The following NMBR variants were observed in gnomAD, a reference collection of about 807,000 sequenced individuals.
The protein encoded by NMBR is neuromedin-B receptor.
In NMBR, 16 loss-of-function variants were observed where a neutral mutation model predicts 20.5. The observed-to-expected ratio is 0.78, with a 90% CI of 0.53 to 1.19. The LOEUF is 1.19. Ranked by LOEUF, NMBR falls within the 50% of genes most tolerant of loss-of-function variation. NMBR has a pLI of 0.00. For synonymous variants in NMBR, 212 were observed against 196.6 expected (o/e 1.08, Z -0.65); for missense variants, 582 against 499.1 (o/e 1.17, Z -1.58).
At chr6:142,076,201 G>T in intron 3 of NMBR, 152 bp from the exon 4 acceptor site, 1 of 595,040 alleles carries the variant, frequency 1.7e-6, no homozygotes, top group Non-Finnish European at 2.8e-6. Context: ...AGTGATGATG[G>T]ATTTTAACAG....
At chr6:142,091,733 C>G (rs200652570) in intron 1 of NMBR, among the ~76,000 whole-genome samples, 2 of 152,198 alleles carry the variant, frequency 1.3e-5, no homozygotes, top group East Asian at 3.9e-4. Context: ...TGTTATGTCT[C>G]TTTGTTTCTG....
At chr6:142,127,009 T>C (rs1778052913) in intron 1 of NMBR, among the ~76,000 whole-genome samples, 2 of 151,782 alleles carry the variant, frequency 1.3e-5, no homozygotes, top group South Asian at 4.1e-4. Context: ...AAATAACTTA[T>C]CTGTATTTTT....
intron 1 of NMBR, among the ~76,000 whole-genome samples, chr6:142,094,985 T>C (rs1475510119): frequency 6.6e-6 from 1 of 152,194 alleles, no homozygotes; most frequent in Non-Finnish European, 1.5e-5. Flanking sequence ...ATGCTTGTGA[T>C]TTTTGCACAT....
At chr6:142,105,652 A>G (rs1777649182) in intron 1 of NMBR, among the ~76,000 whole-genome samples, 2 of 152,186 alleles carry the variant, frequency 1.3e-5, no homozygotes, top group Admixed American at 1.3e-4. Context: ...ATTTTTGTTT[A>G]TACTTTTGTT....
At chr6:142,141,190 C>T (rs996461854) in intron 1 of NMBR, among the ~76,000 whole-genome samples, 8 of 152,068 alleles carry the variant, frequency 5.3e-5, no homozygotes, top group Non-Finnish European at 1.2e-4. Flanking sequence ...ATAAGAAAGT[C>T]TCAAGGATAG....
At chr6:142,135,036 T>C (rs891603379) in intron 1 of NMBR, 3 of 448,778 alleles carry the variant, frequency 6.7e-6, no homozygotes, top group African/African-American at 6.1e-5. Flanking sequence ...GAAATTTTTG[T>C]CTACTATAAA....
chr6:142,125,521 T>TACATGTACATGCATA (rs1554215499), intron 1 of NMBR, among the ~76,000 whole-genome samples: 1 of 70,506 alleles, frequency 1.4e-5, no homozygotes, highest in Admixed American at 1.2e-4. Flanking sequence ...ACATACACAA[T>TACATGTACATGCATA]TACTCATGCT....
At chr6:142,100,015 C>T (rs1777530842) in intron 1 of NMBR, among the ~76,000 whole-genome samples, 1 of 152,106 alleles carries the variant, frequency 6.6e-6, no homozygotes, top group East Asian at 1.9e-4. Flanking sequence ...CAAGATACCC[C>T]TATACATTTA....
chr6:142,124,027 G>A (rs1458181088), intron 1 of NMBR, among the ~76,000 whole-genome samples: 1 of 151,894 alleles, frequency 6.6e-6, no homozygotes, highest in Non-Finnish European at 1.5e-5. Context: ...GGAATATAGA[G>A]AGGATCAGTT....
intron 1 of NMBR, among the ~76,000 whole-genome samples, chr6:142,110,939 A>T (rs1451645061): frequency 6.6e-6 from 1 of 152,184 alleles, no homozygotes; most frequent in Admixed American, 6.5e-5. Flanking sequence ...AATTAGACAT[A>T]GATCAAATAA....
At chr6:142,097,994 A>G (rs1383520314) in intron 1 of NMBR, among the ~76,000 whole-genome samples, 1 of 152,138 alleles carries the variant, frequency 6.6e-6, no homozygotes, top group Non-Finnish European at 1.5e-5. Flanking sequence ...TATCCAAAAC[A>G]AAATATACAG....
At position 142,088,309 on chromosome 6, in the gene NMBR, T is replaced by C. The variant is rs371812387; in HGVS notation, c.350A>G (p.Lys117Arg). The stretch of plus-strand genomic sequence containing the variant: ...AGTGAGCTGGATGACAGGGATCAGT[T>C]TGCAGCCCACCTTGCCAAACATCCA... Reference protein sequence around the residue: ...DEWMFGKVGCKLIPVIQLTSV... With the variant: ...DEWMFGKVGCRLIPVIQLTSV... Residue 117 changes from lysine (K) to arginine (R), a missense_variant, in exon 2 of 4, where the codon AAA (lysine) becomes AGA (arginine). Transcript: ENST00000258042. 1.5e-4 allele frequency: 236 copies of C among 1,614,036 alleles called. 4 individuals carry two copies. In the South Asian group the frequency reaches 1.8e-3, roughly 12 times the overall value.
At chr6:142,077,169 T>A (rs1357057996) in intron 3 of NMBR, among the ~76,000 whole-genome samples, 1 of 152,176 alleles carries the variant, frequency 6.6e-6, no homozygotes, top group African/African-American at 2.4e-5. Context: ...CACAGCAGTC[T>A]ATACTTGGAG....
chr6:142,133,239 T>C (rs1235711279), intron 1 of NMBR: 1 of 622,884 alleles, frequency 1.6e-6, no homozygotes, highest in Non-Finnish European at 2.9e-6. Flanking sequence ...ATGAGTCTTT[T>C]CTGAGTATTT....
rs139635348 is a variant in NMBR at position 142,105,438 on chromosome 6, G to A, written c.-663-16117C>T. 2.2e-3 allele frequency among the ~76,000 whole-genome samples: 329 copies of A among 152,226 alleles called. 2 individuals are homozygous for A. Among genetic ancestry groups the A allele is most frequent in the African/African-American group, 6.7e-3 (280 of 41,542 alleles). On this transcript the variant is annotated intron_variant, in intron 1 of 3. Coordinates refer to ENST00000258042, the MANE Select transcript of NMBR (RefSeq NM_002511.4). ...GTTAAAGCTTATTTTAATAAAACCT[G>A]TAAATAAATTTATAAAATCTGTCAT...
At position 142,130,962 on chromosome 6, in the gene NMBR, T is replaced by C. The variant is rs569635676; in HGVS notation, c.-664+16082A>G. On this transcript the variant is annotated intron_variant, in intron 1 of 3. Transcript: ENST00000258042. Reference sequence around the variant, plus strand: ...AGAGTAGGGACAACAGGCAATATTTTTCCTAGCAAGATTTCAGAATTGTTA... The same window carrying C: ...AGAGTAGGGACAACAGGCAATATTTCTCCTAGCAAGATTTCAGAATTGTTA... Among the ~76,000 whole-genome samples the C allele has an allele frequency of 2.0e-5, 3 of 152,262 alleles. No homozygotes were observed. In the East Asian group the frequency reaches 5.8e-4, roughly 29 times the overall value.
In NMBR at chr6:142,076,004, C is replaced by T; in HGVS notation, c.817G>A (p.Gly273Ser). The T allele has an allele frequency of 5.6e-6, 9 of 1,606,130 alleles. No individual in the cohort carries two copies. Among genetic ancestry groups the T allele is most frequent in the Non-Finnish European group, 7.6e-6 (9 of 1,177,332 alleles). The change falls in exon 4 of 4, where the codon GGC becomes AGC. Residue 273 changes from glycine to serine, a missense_variant. Gly to Ser is a moderately conservative substitution (Grantham distance 56, BLOSUM62 0). Transcript: ENST00000258042. ...RLAKIVLVFV[G>S]CFIFCWFPNH... Reference sequence around the variant, plus strand: ...GGAAACCAACAGAAGATGAAACAGCCCACAAAGACAAGCACAATTTTAGCC... The same window carrying T: ...GGAAACCAACAGAAGATGAAACAGCTCACAAAGACAAGCACAATTTTAGCC...
intron 1 of NMBR, among the ~76,000 whole-genome samples, chr6:142,131,982 G>A (rs1778151396): frequency 1.3e-5 from 2 of 152,200 alleles, no homozygotes; most frequent in Admixed American, 1.3e-4. Flanking sequence ...AAGCAAACCT[G>A]AAATTCTGAT....
chr6:142,137,659 G>A (rs1027440890), intron 1 of NMBR, among the ~76,000 whole-genome samples: 3 of 152,130 alleles, frequency 2.0e-5, no homozygotes, highest in Non-Finnish European at 2.9e-5. Context: ...ATTATTTTGA[G>A]ATAAGTCCCA....
Sources: allele counts gnomAD v4.1 joint callset (sites outside exome capture counted in the v4.1 genomes callset), GRCh38; gene constraint gnomAD v4.1.1; transcripts MANE v1.5; gene names NCBI Gene and HGNC (gene_info 2026-07-23, HGNC 2026-07-21).